FUT8: variants seen among roughly 807,000 people sequenced by gnomAD.
FUT8 encodes the protein alpha-(1,6)-fucosyltransferase.
Under a neutral mutation model 71.3 loss-of-function variants are expected in FUT8, and 29 were observed. The observed-to-expected ratio is 0.41, with a 90% CI of 0.30 to 0.55. The LOEUF (loss-of-function observed/expected upper bound fraction) is 0.55. FUT8 is among the 20% of genes least tolerant of loss of function. The pLI, the probability that FUT8 is intolerant of heterozygous loss-of-function variation, is 0.34. For missense variants in FUT8, 544 were observed against 702.1 expected, an observed-to-expected ratio of 0.77 and a Z score of 2.55; for synonymous variants, 254 against 239.3, an observed-to-expected ratio of 1.06 and a Z score of -0.57.
intron 7 of FUT8, among the ~76,000 whole-genome samples, chr14:65,688,151 T>A (rs1178971668): frequency 6.6e-6 from 1 of 152,210 alleles, no homozygotes; most frequent in Non-Finnish European, 1.5e-5. Context: ...TACAATTCTC[T>A]TGCTTTTGCC....
At chr14:65,481,853 G>C (rs996219560) in intron 2 of FUT8, among the ~76,000 whole-genome samples, 4 of 152,070 alleles carry the variant, frequency 2.6e-5, no homozygotes, top group African/African-American at 9.7e-5. Flanking sequence ...TTTGAGAGCG[G>C]TTTATATTCT....
intron 2 of FUT8, among the ~76,000 whole-genome samples, chr14:65,492,013 C>T (rs1016464176): frequency 2.6e-5 from 4 of 152,032 alleles, no homozygotes; most frequent in Admixed American, 6.6e-5. Flanking sequence ...TAAAATTTTG[C>T]TTATGAAGAC....
chr14:65,539,861 G>A (rs1351274726), intron 2 of FUT8, among the ~76,000 whole-genome samples: 2 of 152,182 alleles, frequency 1.3e-5, no homozygotes, highest in Non-Finnish European at 2.9e-5. Context: ...AGACCACACT[G>A]TGTAACTCCA....
At chr14:65,602,456 T>C (rs1455391332) in intron 3 of FUT8, among the ~76,000 whole-genome samples, 1 of 149,990 alleles carries the variant, frequency 6.7e-6, no homozygotes, top group Non-Finnish European at 1.5e-5. Context: ...ATTTTTGCAA[T>C]TGCGAATTGT....
chr14:65,607,282 A>G lies in FUT8; in HGVS notation c.204-8696A>G, dbSNP rs545656392. ...GTCTTCTATTGTTCTTAGATTTAAA[A>G]GGAATGCTACTGATGAGTTGATCCA... On this transcript the variant is annotated intron_variant, in intron 3 of 10. Coordinates refer to ENST00000673929, the MANE Select transcript of FUT8 (RefSeq NM_001371533.1). This position sits in a 1 kb window ranked among gnomAD's most constrained non-coding sequence, Gnocchi z 4.1. Among the ~76,000 whole-genome samples the G allele has an allele frequency of 8.6e-5, 13 of 151,938 alleles. No homozygotes were observed. The highest frequency in any genetic ancestry group is 1.8e-4 in the Non-Finnish European group (12 of 67,908).
intron 2 of FUT8, among the ~76,000 whole-genome samples, chr14:65,504,833 T>C (rs2066701521): frequency 6.6e-6 from 1 of 152,014 alleles, no homozygotes; most frequent in Non-Finnish European, 1.5e-5. Context: ...GGATTATAGG[T>C]GTGAGCCACT....
At chr14:65,656,557 C>A (rs539495447) in intron 6 of FUT8, among the ~76,000 whole-genome samples, 77 of 152,214 alleles carry the variant, frequency 5.1e-4, no homozygotes, top group African/African-American at 1.8e-3. Flanking sequence ...TTTATACTAT[C>A]CAGAGTAATC....
intron 2 of FUT8, among the ~76,000 whole-genome samples, chr14:65,537,802 C>G (rs896436652): frequency 6.6e-6 from 1 of 152,146 alleles, no homozygotes; most frequent in African/African-American, 2.4e-5. Flanking sequence ...GTTTGACGAC[C>G]TTGGGGCTTT....
chr14:65,398,579 C>T, the FUT8 span, among the ~76,000 whole-genome samples: 1 of 151,570 alleles, frequency 6.6e-6, no homozygotes, highest in Non-Finnish European at 1.5e-5. Flanking sequence ...ACTAAAAATA[C>T]AAAAAAATTA....
At chr14:65,593,531 G>A (rs541903940) in intron 3 of FUT8, among the ~76,000 whole-genome samples, 18 of 151,702 alleles carry the variant, frequency 1.2e-4, no homozygotes, top group Admixed American at 2.6e-4. Context: ...TAAAATAGCC[G>A]TAAAATGATG....
intron 9 of FUT8, among the ~76,000 whole-genome samples, chr14:65,730,360 A>G (rs1895912116): frequency 6.6e-6 from 1 of 152,154 alleles, no homozygotes; most frequent in Non-Finnish European, 1.5e-5. Context: ...TTGGTATTGC[A>G]CTTCAGATTT....
At chr14:65,729,942 G>C (rs1895890227) in intron 9 of FUT8, among the ~76,000 whole-genome samples, 1 of 151,270 alleles carries the variant, frequency 6.6e-6, no homozygotes, top group Non-Finnish European at 1.5e-5. Context: ...TTTTCGACTT[G>C]AGTCGTTTCT....
intron 7 of FUT8, among the ~76,000 whole-genome samples, chr14:65,699,302 T>G (rs945076042): frequency 1.3e-5 from 2 of 152,192 alleles, no homozygotes; most frequent in Non-Finnish European, 2.9e-5. Context: ...AGAGGTAATG[T>G]AACCTGGTAG....
chr14:65,719,935 C>G (rs892762721), intron 7 of FUT8, among the ~76,000 whole-genome samples: 6 of 152,314 alleles, frequency 3.9e-5, no homozygotes, highest in African/African-American at 1.4e-4. Flanking sequence ...TGGATCTCAC[C>G]CAAGGCCCAG....
At chr14:65,681,097 T>G (rs980007138) in intron 7 of FUT8, among the ~76,000 whole-genome samples, 8 of 152,238 alleles carry the variant, frequency 5.3e-5, no homozygotes, top group African/African-American at 1.9e-4. Flanking sequence ...TGTCCCCATG[T>G]TTTCACTGTA....
chr14:65,411,788 C>A, upstream of FUT8: 1 of 334,188 alleles, frequency 3.0e-6, no homozygotes, highest in Non-Finnish European at 5.9e-6. Flanking sequence ...CATCTTCCGG[C>A]CCTCTGATTG....
chr14:65,365,331 C>CTA, the FUT8 span, among the ~76,000 whole-genome samples: 1 of 76,158 alleles, frequency 1.3e-5, no homozygotes, highest in East Asian at 3.4e-4. Context: ...AATTCTTCCT[C>CTA]TCTCTCTCTC....
At position 65,489,344 on chromosome 14, in the gene FUT8, C is replaced by A. The variant is rs1024654442; in HGVS notation, c.-228+33626C>A. On this transcript the variant is annotated intron_variant, in intron 2 of 10. Coordinates refer to ENST00000673929, the MANE Select transcript of FUT8 (RefSeq NM_001371533.1). This position sits in a 1 kb window ranked among gnomAD's most constrained non-coding sequence, Gnocchi z 4.0. ...CCTAGCTTTCTCTAATTTTCTGGGA[C>A]GTATCTCTTTTAGTCTCCGTATATT... is the stretch of plus-strand genomic sequence containing the variant. Among the ~76,000 whole-genome samples the A allele has an allele frequency of 6.6e-6, 1 of 152,072 alleles. No individual in the cohort carries two copies. The highest frequency in any genetic ancestry group is 1.5e-5 in the Non-Finnish European group (1 of 67,996).
chr14:65,704,098 A>G (rs963926073), intron 7 of FUT8, among the ~76,000 whole-genome samples: 2 of 152,220 alleles, frequency 1.3e-5, no homozygotes, highest in African/African-American at 4.8e-5. Context: ...TTGGATGATA[A>G]TTTAGCAGAA....
Sources: gnomAD v4.1 joint callset for allele counts (sites outside exome capture counted in the v4.1 genomes callset) on GRCh38, gnomAD v4.1.1 for gene constraint, Gnocchi (gnomAD v3.1) non-coding constraint, MANE v1.5 for transcripts, NCBI Gene and HGNC (gene_info 2026-07-23, HGNC 2026-07-21) for gene names.